Variants in NEK10 observed in about 807,000 individuals in gnomAD.
The protein encoded by NEK10 is NIMA related kinase 10.
A neutral mutation model predicts 159.8 loss-of-function variants in NEK10; 122 were observed. The observed-to-expected ratio is 0.76, with a 90% CI of 0.66 to 0.89. The LOEUF (loss-of-function observed/expected upper bound fraction) is 0.89, where lower values mean the gene tolerates loss of function less well. NEK10 is among the 40% of genes least tolerant of loss of function. The pLI, the probability that NEK10 is intolerant of heterozygous loss-of-function variation, is 0.00. For synonymous variants in NEK10, 466 were observed against 457.1 expected, an observed-to-expected ratio of 1.02 and a Z score of -0.25; for missense variants, 1,342 against 1,323.1, an observed-to-expected ratio of 1.01 and a Z score of -0.22.
At position 27,119,855 on chromosome 3, in the gene NEK10, G is replaced by A; in HGVS notation, c.3095C>T (p.Ser1032Phe). The change falls in exon 33 of 36, where the codon TCT becomes TTT. Residue 1032 changes from serine (S) to phenylalanine (F), a missense_variant. Transcript: ENST00000691995. ...AAAGTTGGGCTCAATCGGTTCTGGA[G>A]ATCCCTGAGATAACTGAAATAGAAA... ...KSEIKKLSQG[S>F]PEPIEPNFFT... is the part of the protein sequence containing the mutation. The A allele has an allele frequency of 6.2e-7, 1 of 1,613,520 alleles. No individual in the cohort carries two copies. The highest frequency in any genetic ancestry group is 8.5e-7 in the Non-Finnish European group (1 of 1,179,530).
intron 28 of NEK10, among the ~76,000 whole-genome samples, chr3:27,172,929 T>C (rs1415783052): frequency 6.6e-6 from 1 of 152,162 alleles, no homozygotes; most frequent in South Asian, 2.1e-4. Context: ...ACTATGTCTG[T>C]CACAGCTGAA....
chr3:27,337,717 T>A (rs1162260136), intron 5 of NEK10, among the ~76,000 whole-genome samples: 1 of 152,150 alleles, frequency 6.6e-6, no homozygotes, highest in African/African-American at 2.4e-5. Context: ...CCCTCTTCAA[T>A]AAATGGTGCA....
At position 27,107,309 on chromosome 3, in the gene NEK10, C is replaced by T. The variant is rs536783528; in HGVS notation, c.*3963G>A. Among the ~76,000 whole-genome samples, 4 of 152,216 alleles carry T rather than the reference C, an allele frequency of 2.6e-5. No individual in the cohort carries two copies. The East Asian group carries it at 7.7e-4, about 29-fold the overall frequency. ...TGCAAATCTCAAAACAACATCACAG[C>T]AGGACTATAATCAACCACAACAGTC... On this transcript the variant is annotated 3_prime_UTR_variant, in exon 36 of 36. Coordinates refer to ENST00000691995, the MANE Select transcript of NEK10 (RefSeq NM_001394966.1).
chr3:27,162,557 G>A (rs1331257041), intron 30 of NEK10, 144 bp downstream of exon 30: 1 of 1,614,148 alleles, frequency 6.2e-7, no homozygotes. Context: ...TGGGCCCTGA[G>A]CATGTGGGGT....
chr3:27,221,340 G>C (rs1042259695), intron 23 of NEK10, among the ~76,000 whole-genome samples: 1 of 151,990 alleles, frequency 6.6e-6, no homozygotes, highest in Non-Finnish European at 1.5e-5. Flanking sequence ...TTTAAAAATG[G>C]GCAAAAACAA....
intron 26 of NEK10, among the ~76,000 whole-genome samples, chr3:27,191,095 T>C (rs1575168689): frequency 6.6e-6 from 1 of 152,330 alleles, no homozygotes; most frequent in Admixed American, 6.5e-5. Flanking sequence ...TAAACAGTAG[T>C]ACTTTCCTTC....
At chr3:27,306,862 C>T (rs969119721) in intron 11 of NEK10, among the ~76,000 whole-genome samples, 5 of 152,134 alleles carry the variant, frequency 3.3e-5, no homozygotes, top group African/African-American at 1.2e-4. Flanking sequence ...CTGTGCCCAA[C>T]CATCACATTC....
chr3:27,227,901 G>A (rs1016469937), intron 23 of NEK10, among the ~76,000 whole-genome samples: 13 of 152,192 alleles, frequency 8.5e-5, no homozygotes, highest in African/African-American at 2.4e-4. Flanking sequence ...GGCAATTTGA[G>A]TAAAAACTGC....
chr3:27,113,382 G>T (rs1939870235), intron 35 of NEK10, among the ~76,000 whole-genome samples: 1 of 124,580 alleles, frequency 8.0e-6, no homozygotes, highest in Non-Finnish European at 1.6e-5. Flanking sequence ...AGTGAGCCAA[G>T]ATCGCACCAT....
At chr3:27,184,672 C>G (rs557095916) in intron 26 of NEK10, among the ~76,000 whole-genome samples, 2 of 152,234 alleles carry the variant, frequency 1.3e-5, no homozygotes, top group South Asian at 4.1e-4. Context: ...AGAACATTTC[C>G]AAAACAAGTC....
chr3:27,200,122 A>C (rs889450001), intron 25 of NEK10, among the ~76,000 whole-genome samples: 2 of 152,308 alleles, frequency 1.3e-5, no homozygotes, highest in Non-Finnish European at 2.9e-5. Flanking sequence ...ATTTTAAAAA[A>C]ATCAATTAAA....
chr3:27,291,159 A>T, intron 18 of NEK10, 103 bp downstream of exon 18: 2 of 1,088,352 alleles, frequency 1.8e-6, no homozygotes, highest in Non-Finnish European at 2.6e-6. Flanking sequence ...TCTGTTTGCT[A>T]TTTTTCAATG....
intron 20 of NEK10, among the ~76,000 whole-genome samples, chr3:27,286,240 G>A (rs2590264): frequency 7.0e-6 from 1 of 143,630 alleles, no homozygotes; most frequent in Non-Finnish European, 1.5e-5. Flanking sequence ...CGCCCGCCAC[G>A]ACGCCCGGCT....
chr3:27,326,594 GT>G (rs5847457), intron 5 of NEK10, among the ~76,000 whole-genome samples: 24,445 of 151,948 alleles, frequency 0.16, 2,160 homozygotes, highest in Non-Finnish European at 0.21. Context: ...TTCCAGAATA[GT>G]TTTTTTTAAC....
rs1045548009 is a variant in NEK10 at position 27,131,354 on chromosome 3, C to A, written c.3081+526G>T. 7.2e-5 allele frequency among the ~76,000 whole-genome samples: 11 copies of A among 152,154 alleles called. No homozygotes were observed. In the South Asian group the frequency reaches 1.5e-3, roughly 20 times the overall value. ...AGAGGTAAACAATTTTCTTTCTGCC[C>A]AGTTGATTTAGTATTTTTGTAGTTT... is the stretch of plus-strand genomic sequence containing the variant. On this transcript the variant is annotated intron_variant, in intron 32 of 35. Transcript: ENST00000691995.
intron 23 of NEK10, among the ~76,000 whole-genome samples, chr3:27,223,165 G>T (rs981032087): frequency 2.0e-5 from 3 of 152,184 alleles, no homozygotes; most frequent in Non-Finnish European, 1.5e-5. Flanking sequence ...TGCTGTGTTT[G>T]AAGCTGGGAG....
intron 26 of NEK10, among the ~76,000 whole-genome samples, chr3:27,177,166 G>A (rs1038935332): frequency 5.3e-5 from 8 of 152,038 alleles, no homozygotes; most frequent in African/African-American, 1.7e-4. Context: ...TGATAAAGGG[G>A]AATTTACAAT....
intron 22 of NEK10, among the ~76,000 whole-genome samples, chr3:27,275,566 C>T (rs1277369008): frequency 6.6e-6 from 1 of 152,100 alleles, no homozygotes; most frequent in African/African-American, 2.4e-5. Context: ...ACACTATATC[C>T]GGTTAACGGG....
intron 22 of NEK10, among the ~76,000 whole-genome samples, chr3:27,259,345 G>A (rs1347671937): frequency 6.6e-6 from 1 of 152,122 alleles, no homozygotes; most frequent in African/African-American, 2.4e-5. Flanking sequence ...GGTTTTTATG[G>A]TTTTAGGTCT....
Sources: gnomAD v4.1 joint callset for allele counts (sites outside exome capture counted in the v4.1 genomes callset) on GRCh38, gnomAD v4.1.1 for gene constraint, MANE v1.5 for transcripts, NCBI Gene and HGNC (gene_info 2026-07-23, HGNC 2026-07-21) for gene names.